The following LRBA variants were observed in gnomAD, a reference collection of about 807,000 sequenced individuals.
The protein encoded by LRBA is LPS responsive beige-like anchor protein.
Under a neutral mutation model 330.0 loss-of-function variants are expected in LRBA, and 176 were observed. The observed-to-expected ratio is 0.53, with a 90% CI of 0.47 to 0.60. LRBA has a LOEUF of 0.60. Among genes scored for constraint, LRBA ranks in the 20% least tolerant of loss-of-function variants. The probability of loss-of-function intolerance (pLI) is 0.00; values close to 1 mark genes in which losing one functional copy is unlikely to be tolerated. For synonymous variants in LRBA, 1,230 were observed against 1,193.0 expected, an observed-to-expected ratio of 1.03 and a Z score of -0.64; for missense variants, 3,259 against 3,444.8, an observed-to-expected ratio of 0.95 and a Z score of 1.35.
chr4:150,654,345 C>T (rs969460205), intron 37 of LRBA, among the ~76,000 whole-genome samples: 5 of 152,050 alleles, frequency 3.3e-5, no homozygotes, highest in African/African-American at 1.2e-4. Flanking sequence ...TGCCACCATG[C>T]CTGGCTAATT....
chr4:150,693,755 C>A (rs1386556580), intron 36 of LRBA, among the ~76,000 whole-genome samples: 1 of 151,654 alleles, frequency 6.6e-6, no homozygotes, highest in Non-Finnish European at 1.5e-5. Flanking sequence ...TTCAGTATCA[C>A]AAAAAAATTA....
intron 2 of LRBA, among the ~76,000 whole-genome samples, chr4:151,001,589 C>A (rs564680228): frequency 1.3e-5 from 2 of 152,240 alleles, no homozygotes; most frequent in South Asian, 2.1e-4. Context: ...CCTGCATGAA[C>A]AACCTGCAAA....
chr4:150,756,491 A>G (rs58589555), intron 35 of LRBA, among the ~76,000 whole-genome samples: 1 of 152,224 alleles, frequency 6.6e-6, no homozygotes, highest in Non-Finnish European at 1.5e-5. Context: ...ATAAGAAAAA[A>G]CATTCAAGAT....
intron 40 of LRBA, among the ~76,000 whole-genome samples, chr4:150,498,178 T>G (rs977740441): frequency 1.3e-5 from 2 of 152,334 alleles, no homozygotes; most frequent in African/African-American, 4.8e-5. Context: ...GCACACAGAT[T>G]TATGGCAAAC....
chr4:150,872,623 G>A (rs760489423), intron 18 of LRBA, 40 bp downstream of exon 18: 16 of 1,258,392 alleles, frequency 1.3e-5, no homozygotes, highest in Non-Finnish European at 1.6e-5. Flanking sequence ...AAATAAATAA[G>A]TAGAATACAA....
rs572324193 is a variant in LRBA at position 150,768,448 on chromosome 4, A to T, written c.5581-6601T>A. 5.3e-5 allele frequency among the ~76,000 whole-genome samples: 8 copies of T among 152,336 alleles called. No homozygotes were observed. The East Asian group carries it at 1.4e-3, about 26-fold the overall frequency. On this transcript the variant is annotated intron_variant, in intron 34 of 56. Coordinates refer to ENST00000651943, the MANE Select transcript of LRBA (RefSeq NM_001364905.1). Reference sequence around the variant, plus strand: ...TGCTGTGTAGCCATCCTACCATGGTAAACATTGGAAGTTTATTTTCCAGAA... The same window carrying T: ...TGCTGTGTAGCCATCCTACCATGGTTAACATTGGAAGTTTATTTTCCAGAA...
chr4:150,993,366 C>T (rs1344578593), intron 2 of LRBA, among the ~76,000 whole-genome samples: 12 of 152,216 alleles, frequency 7.9e-5, no homozygotes, highest in African/African-American at 2.9e-4. Flanking sequence ...TTAAATACTG[C>T]ATCGCCAACT....
At chr4:150,528,733 T>C (rs1763751706) in intron 40 of LRBA, among the ~76,000 whole-genome samples, 1 of 152,150 alleles carries the variant, frequency 6.6e-6, no homozygotes, top group Non-Finnish European at 1.5e-5. Flanking sequence ...AATATCTTAC[T>C]TTGTTAAAAA....
intron 2 of LRBA, among the ~76,000 whole-genome samples, chr4:150,935,457 T>G (rs1734997223): frequency 6.6e-6 from 1 of 152,126 alleles, no homozygotes; most frequent in South Asian, 2.1e-4. Context: ...GACTTGAAAG[T>G]AAAGAAATTT....
chr4:150,479,770 T>A (rs1757094380), intron 42 of LRBA, among the ~76,000 whole-genome samples: 1 of 152,168 alleles, frequency 6.6e-6, no homozygotes, highest in South Asian at 2.1e-4. Flanking sequence ...GATCACTTGC[T>A]CTGCAGGAAG....
intron 35 of LRBA, among the ~76,000 whole-genome samples, chr4:150,740,940 T>C (rs1004356001): frequency 6.6e-6 from 1 of 152,124 alleles, no homozygotes; most frequent in South Asian, 2.1e-4. Flanking sequence ...AAACTGGTCT[T>C]AGATCAATCA....
intron 37 of LRBA, among the ~76,000 whole-genome samples, chr4:150,618,555 T>C (rs1775991125): frequency 6.6e-6 from 1 of 152,128 alleles, no homozygotes; most frequent in Admixed American, 6.5e-5. Flanking sequence ...TTTTTATTTT[T>C]TAAAGTTAAA....
In LRBA at chr4:150,867,694, T is replaced by C. The variant is rs1311795057; in HGVS notation, c.2743A>G (p.Thr915Ala). 1 of 1,612,226 alleles carries C rather than the reference T, an allele frequency of 6.2e-7. No homozygotes were observed. Among genetic ancestry groups the C allele is most frequent in the Non-Finnish European group, 8.5e-7 (1 of 1,179,296 alleles). The change falls in exon 22 of 57, where the codon ACT (threonine) becomes GCT (alanine). Residue 915 changes from threonine (T) to alanine (A), a missense_variant. Thr to Ala is a moderately conservative substitution (Grantham distance 58). Coordinates refer to ENST00000651943, the MANE Select transcript of LRBA (RefSeq NM_001364905.1). ...EWGGWRVWVD[T>A]LSITHSKVTF... is the part of the protein sequence containing the mutation. ...ACCTTTGAATGAGTGATTGATAAAGTGTCTACCCATACACGCCAGCCACCC... is the reference window on the plus strand; with the variant it reads ...ACCTTTGAATGAGTGATTGATAAAGCGTCTACCCATACACGCCAGCCACCC...
At chr4:150,478,631 T>G (rs1247397570) in intron 42 of LRBA, among the ~76,000 whole-genome samples, 1 of 152,216 alleles carries the variant, frequency 6.6e-6, no homozygotes, top group East Asian at 1.9e-4. Flanking sequence ...CTAATATCAC[T>G]AAGTTCCAGT....
chr4:150,447,937 G>A (rs1357589054), intron 44 of LRBA, among the ~76,000 whole-genome samples: 5 of 152,122 alleles, frequency 3.3e-5, no homozygotes, highest in Non-Finnish European at 7.4e-5. Flanking sequence ...TTTAAAAAGT[G>A]ATTTAACAAC....
chr4:150,446,470 T>C (rs1752629692), intron 44 of LRBA, among the ~76,000 whole-genome samples: 2 of 152,224 alleles, frequency 1.3e-5, no homozygotes, highest in South Asian at 4.1e-4. Context: ...AGCTGGTAAA[T>C]GTTGATAACG....
At chr4:150,810,101 A>G (rs1743500924) in intron 31 of LRBA, among the ~76,000 whole-genome samples, 1 of 152,138 alleles carries the variant, frequency 6.6e-6, no homozygotes, top group Non-Finnish European at 1.5e-5. Context: ...AACTGAATAA[A>G]AAACAGCAAG....
At chr4:150,996,210 A>G (rs967445162) in intron 2 of LRBA, among the ~76,000 whole-genome samples, 1 of 152,204 alleles carries the variant, frequency 6.6e-6, no homozygotes, top group African/African-American at 2.4e-5. Flanking sequence ...ATCCTATGAC[A>G]ATGAGAATTT....
intron 2 of LRBA, among the ~76,000 whole-genome samples, chr4:150,978,349 C>T (rs1363877873): frequency 6.6e-6 from 1 of 152,188 alleles, no homozygotes; most frequent in African/African-American, 2.4e-5. Flanking sequence ...GCTTGGGATG[C>T]CCCCTAATCC....
Sources: gnomAD v4.1 joint callset for allele counts (sites outside exome capture counted in the v4.1 genomes callset) on GRCh38, gnomAD v4.1.1 for gene constraint, MANE v1.5 for transcripts, NCBI Gene and HGNC (gene_info 2026-07-23, HGNC 2026-07-21) for gene names.